Variants in FRAS1 observed in about 807,000 individuals in gnomAD.
FRAS1 encodes extracellular matrix organizing protein FRAS1.
A neutral mutation model predicts 435.2 loss-of-function variants in FRAS1; 290 were observed. The observed-to-expected ratio is 0.67, with a 90% confidence interval of 0.61 to 0.73. The LOEUF (loss-of-function observed/expected upper bound fraction) is 0.73. FRAS1 is among the 30% of genes least tolerant of loss of function. The pLI, the probability that FRAS1 is intolerant of heterozygous loss-of-function variation, is 0.00. For missense variants in FRAS1, 4,860 were observed against 5,001.5 expected (o/e 0.97, Z 0.85); for synonymous variants, 1,800 against 1,851.0 (o/e 0.97, Z 0.71).
chr4:78,068,162 C>T (rs781457272), intron 2 of FRAS1, among the ~76,000 whole-genome samples: 3 of 152,034 alleles, frequency 2.0e-5, no homozygotes, highest in Non-Finnish European at 2.9e-5. Context: ...GATGAAAATG[C>T]CTGCCTTCAT....
chr4:78,272,247 C>T (rs1726740558), intron 9 of FRAS1, among the ~76,000 whole-genome samples: 1 of 152,130 alleles, frequency 6.6e-6, no homozygotes, highest in South Asian at 2.1e-4. Flanking sequence ...AAAATTTTCT[C>T]TCATTCTGTA....
intron 3 of FRAS1, among the ~76,000 whole-genome samples, chr4:78,238,053 A>G (rs1008252958): frequency 2.0e-5 from 3 of 152,192 alleles, no homozygotes; most frequent in African/African-American, 7.2e-5. Context: ...ATTAACTTCA[A>G]CATGCATGAA....
chr4:78,458,349 CA>C (rs1262349864), intron 47 of FRAS1, among the ~76,000 whole-genome samples: 1 of 152,160 alleles, frequency 6.6e-6, no homozygotes, highest in Non-Finnish European at 1.5e-5. Flanking sequence ...TAGCACTTAC[CA>C]GTTTAGTAAC....
chr4:78,212,657 G>A (rs1723566400), intron 2 of FRAS1, among the ~76,000 whole-genome samples: 1 of 152,070 alleles, frequency 6.6e-6, no homozygotes, highest in South Asian at 2.1e-4. Context: ...ACACTCACAG[G>A]GTCAAATGTA....
intron 15 of FRAS1, 60 bp downstream of exon 15, chr4:78,308,269 T>C: frequency 1.9e-6 from 3 of 1,551,574 alleles, no homozygotes; most frequent in East Asian, 2.3e-5. Context: ...GCATCTCTTG[T>C]TGTATTCAAA....
At chr4:78,473,101 T>C (rs62308139) in intron 52 of FRAS1, among the ~76,000 whole-genome samples, 262 of 152,306 alleles carry the variant, frequency 1.7e-3, no homozygotes, top group Middle Eastern at 3.4e-3. Flanking sequence ...AGTCAAAGAC[T>C]TTCCTCTGTC....
At chr4:78,263,092 T>C (rs991699440) in intron 6 of FRAS1, among the ~76,000 whole-genome samples, 1 of 152,142 alleles carries the variant, frequency 6.6e-6, no homozygotes, top group Non-Finnish European at 1.5e-5. Context: ...ATGTATATGG[T>C]GGTCAGAATG....
chr4:78,281,945 G>A (rs981098608), intron 11 of FRAS1, among the ~76,000 whole-genome samples: 7 of 152,156 alleles, frequency 4.6e-5, no homozygotes, highest in East Asian at 3.9e-4. Context: ...AGACGGGTCC[G>A]CTTTCAAATG....
intron 2 of FRAS1, among the ~76,000 whole-genome samples, chr4:78,146,561 T>C (rs903153772): frequency 1.3e-5 from 2 of 152,142 alleles, no homozygotes; most frequent in African/African-American, 2.4e-5. Flanking sequence ...AGTGTGTCCA[T>C]TCTCTAGCTT....
chr4:78,320,397 G>C (rs541554265), intron 18 of FRAS1, among the ~76,000 whole-genome samples: 1 of 152,284 alleles, frequency 6.6e-6, no homozygotes, highest in South Asian at 2.1e-4. Context: ...CTTTCCTTAG[G>C]GACCCCACAG....
intron 14 of FRAS1, among the ~76,000 whole-genome samples, chr4:78,306,941 C>T (rs1040776800): frequency 6.6e-6 from 1 of 152,324 alleles, no homozygotes; most frequent in Admixed American, 6.5e-5. Context: ...GAGAGGCACT[C>T]TGCTTTTTAG....
chr4:78,508,885 G>A lies in FRAS1; in HGVS notation c.9659G>A (p.Gly3220Asp), dbSNP rs867886374. Reference sequence around the variant, plus strand: ...ATGAAGGAGCGCTGCAGTGAGGCCGGCATCAACCAGACATCTGTGCAGTTC... The same window carrying A: ...ATGAAGGAGCGCTGCAGTGAGGCCGACATCAACCAGACATCTGTGCAGTTC... The part of the protein sequence containing the change: ...AVMKERCSEA[G>D]INQTSVQFSW... Residue 3220 changes from glycine (G) to aspartate (D), a missense_variant, in exon 63 of 74, where the codon GGC becomes GAC. Coordinates refer to ENST00000512123, the MANE Select transcript of FRAS1 (RefSeq NM_025074.7). 1 of 1,613,814 alleles carries A rather than the reference G, an allele frequency of 6.2e-7. No homozygotes were observed. Among genetic ancestry groups the A allele is most frequent in the Non-Finnish European group, 8.5e-7 (1 of 1,179,850 alleles).
chr4:78,447,900 T>C (rs776130065), intron 43 of FRAS1, among the ~76,000 whole-genome samples, 153 bp from the exon 44 acceptor site: 2 of 152,220 alleles, frequency 1.3e-5, no homozygotes, highest in South Asian at 4.1e-4. Context: ...CCTGTGGTTA[T>C]ATGTAAAATG....
chr4:78,234,865 C>CGG (rs2110111923), intron 2 of FRAS1, among the ~76,000 whole-genome samples: 1 of 152,286 alleles, frequency 6.6e-6, no homozygotes, highest in Non-Finnish European at 1.5e-5. Context: ...CCATGTAAAT[C>CGG]TACACCAATG....
chr4:78,472,589 G>A (rs1450442767), intron 52 of FRAS1, among the ~76,000 whole-genome samples: 3 of 152,088 alleles, frequency 2.0e-5, no homozygotes, highest in Non-Finnish European at 2.9e-5. Flanking sequence ...TGTTGGCCAG[G>A]TTTTCTGGAA....
At chr4:78,264,844 T>C in intron 6 of FRAS1, 181 bp from the exon 7 acceptor site, 1 of 687,556 alleles carries the variant, frequency 1.5e-6, no homozygotes, top group South Asian at 1.5e-5. Context: ...AAGGGCACAC[T>C]GACCTTGGAA....
chr4:78,515,094 T>A (rs1369417397), intron 65 of FRAS1, among the ~76,000 whole-genome samples: 1 of 146,620 alleles, frequency 6.8e-6, no homozygotes, highest in East Asian at 1.9e-4. Flanking sequence ...TTAACCCTCA[T>A]ATTCTAAAAT....
At chr4:78,512,968 T>C (rs17429649) in intron 64 of FRAS1, among the ~76,000 whole-genome samples, 21,975 of 152,240 alleles carry the variant, frequency 0.14, 1,909 homozygotes, top group Non-Finnish European at 0.21. Flanking sequence ...CTCAAATACT[T>C]AAAAGAAATG....
At chr4:78,540,136 A>G (rs1345248906) in intron 73 of FRAS1, among the ~76,000 whole-genome samples, 1 of 152,254 alleles carries the variant, frequency 6.6e-6, no homozygotes, top group Non-Finnish European at 1.5e-5. Flanking sequence ...GAAGTTCACC[A>G]ATAAATAGTA....
Sources: gnomAD v4.1 joint callset for allele counts (sites outside exome capture counted in the v4.1 genomes callset) on GRCh38, gnomAD v4.1.1 for gene constraint, MANE v1.5 for transcripts, NCBI Gene and HGNC (gene_info 2026-07-23, HGNC 2026-07-21) for gene names.